Variants in HAUS3 observed in about 807,000 individuals in gnomAD.
The protein encoded by HAUS3 is HAUS augmin like complex subunit 3.
A neutral mutation model predicts 55.2 loss-of-function variants in HAUS3; 36 were observed. The ratio of observed to expected loss-of-function variants is 0.65; its 90% CI spans 0.50 to 0.86. The LOEUF is 0.86. HAUS3 is among the 40% of genes least tolerant of loss of function. The pLI, the probability that HAUS3 is intolerant of heterozygous loss-of-function variation, is 0.00. For synonymous variants in HAUS3, 234 were observed against 238.6 expected (o/e 0.98, Z 0.18); for missense variants, 752 against 671.5 (o/e 1.12, Z -1.33).
intron 5 of HAUS3, 42 bp from the exon 6 acceptor site, chr4:2,232,202 C>A (rs750565500): frequency 1.2e-6 from 1 of 842,804 alleles, no homozygotes; most frequent in South Asian, 2.0e-5. Flanking sequence ...ACACTTTATT[C>A]CTAATACCAA....
intron 5 of HAUS3, among the ~76,000 whole-genome samples, chr4:2,232,640 AT>A (rs1434496089): frequency 6.6e-6 from 1 of 152,014 alleles, no homozygotes; most frequent in South Asian, 2.1e-4. Flanking sequence ...TCCATTTTTC[AT>A]TTTTTCATAT....
At chr4:2,238,102 C>T (rs1734832539) in intron 4 of HAUS3, among the ~76,000 whole-genome samples, 1 of 152,102 alleles carries the variant, frequency 6.6e-6, no homozygotes, top group South Asian at 2.1e-4. Flanking sequence ...ACTACTTTAG[C>T]CCTCCAATTT....
rs1037000386 is a variant in HAUS3, at chr4:2,240,880, T to A, written c.67A>T (p.Asn23Tyr). The change falls in exon 3 of 6, where the codon AAT (asparagine) becomes TAT (tyrosine). Residue 23 changes from asparagine (N) to tyrosine (Y), a missense_variant. By Grantham distance (143) the Asn-to-Tyr change is moderately radical. Transcript: ENST00000443786. ...AACAACCAGTCAAAGTCTTCTCCAT[T>A]AAGATTATCAGCTTTGGGATAACCA... is the stretch of plus-strand genomic sequence containing the variant. Reference protein sequence around the residue: ...KIGYPKADNLNGEDFDWLFEG... With the variant: ...KIGYPKADNLYGEDFDWLFEG... The A allele has an allele frequency of 1.3e-5, 21 of 1,609,814 alleles. No individual in the cohort carries two copies. The highest frequency in any genetic ancestry group is 1.7e-5 in the Admixed American group (1 of 59,322).
chr4:2,241,130 T>C (rs1734971992), intron 2 of HAUS3, 37 bp from the exon 3 acceptor site: 2 of 520,344 alleles, frequency 3.8e-6, no homozygotes, highest in Admixed American at 3.9e-5. Flanking sequence ...ACCACAAATA[T>C]GACGACAGTG....
chr4:2,235,891 G>A (rs1734746343), intron 5 of HAUS3, among the ~76,000 whole-genome samples: 1 of 152,114 alleles, frequency 6.6e-6, no homozygotes, highest in Non-Finnish European at 1.5e-5. Flanking sequence ...AGTGTACACA[G>A]AGGATTTTAA....
At chr4:2,235,774 C>G (rs1055411992) in intron 5 of HAUS3, among the ~76,000 whole-genome samples, 1 of 151,734 alleles carries the variant, frequency 6.6e-6, no homozygotes, top group Non-Finnish European at 1.5e-5. Flanking sequence ...TATGTGTGTG[C>G]GTAATAAAAC....
At chr4:2,236,503 AT>A in intron 4 of HAUS3, 47 bp from the exon 5 acceptor site, 1 of 1,343,198 alleles carries the variant, frequency 7.4e-7, no homozygotes, top group Non-Finnish European at 1.1e-6. Context: ...TCAAGTCAGT[AT>A]CATTTTCAAA....
Position 2,229,021 on chromosome 4 carries a change from C to T in HAUS3, c.*2906G>A. The T allele has an allele frequency of 1.4e-6, 2 of 1,410,232 alleles. No homozygotes were observed. Among genetic ancestry groups the T allele is most frequent in the East Asian group, 4.7e-5 (2 of 42,612 alleles). 87.4% of individuals were successfully genotyped at this position (1,410,232 alleles called of 1,614,324 possible). On this transcript the variant is annotated 3_prime_UTR_variant, in exon 6 of 6. Coordinates refer to ENST00000443786, the MANE Select transcript of HAUS3 (RefSeq NM_001303143.2). ...TGGGCTTCATCTGTCTACATGCATT[C>T]CATTTTCAATTCTTAGTCTTTAGAA...
rs1218134063 is a variant in HAUS3, at chr4:2,229,071, G to C, written c.*2856C>G. 6.4e-7 allele frequency: 1 copy of C among 1,558,854 alleles called. No individual in the cohort carries two copies. The highest frequency in any genetic ancestry group is 8.8e-7 in the Non-Finnish European group (1 of 1,141,832). ...ACAATTAACATTCAAAGTATCAAGA[G>C]AAAGAAAGGTTCATAAAAATTACTT... On this transcript the variant is annotated 3_prime_UTR_variant, in exon 6 of 6. Coordinates refer to ENST00000443786, the MANE Select transcript of HAUS3 (RefSeq NM_001303143.2).
At chr4:2,241,913 C>G (rs1168944535) in intron 1 of HAUS3, 123 bp from the exon 2 acceptor site, 4 of 985,502 alleles carry the variant, frequency 4.1e-6, no homozygotes, top group Middle Eastern at 5.2e-4. Flanking sequence ...GCCCTGATCC[C>G]CGGGCAGCTG....
intron 5 of HAUS3, among the ~76,000 whole-genome samples, chr4:2,232,686 C>A (rs985283673): frequency 6.6e-6 from 1 of 152,148 alleles, no homozygotes; most frequent in Admixed American, 6.5e-5. Flanking sequence ...TGACATTCCA[C>A]GAAAACCATC....
In HAUS3 at chr4:2,242,099, C is replaced by A. The variant is rs1735014103; in HGVS notation, c.-467G>T. The stretch of plus-strand genomic sequence containing the variant: ...CGCAGGAGCCCGCCGCCACCGCCCT[C>A]CGTGCCCCGCGCGCCTCGCACTGCC... On this transcript the variant is annotated 5_prime_UTR_variant, in exon 1 of 6. Transcript: ENST00000443786. 1.0e-6 allele frequency: 1 copy of A among 985,804 alleles called. No individual in the cohort carries two copies. The highest frequency in any genetic ancestry group is 1.2e-6 in the Non-Finnish European group (1 of 830,292). The allele number at this position is 985,804 out of a possible 1,614,324, so 61.1% of individuals were successfully genotyped here.
Position 2,241,765 on chromosome 4 carries a change from T to TCA in HAUS3, c.-395_-394dup. 1 of 985,070 alleles carries TCA rather than the reference T, an allele frequency of 1.0e-6. No homozygotes were observed. Among genetic ancestry groups the TCA allele is most frequent in the Non-Finnish European group, 1.2e-6 (1 of 829,886 alleles). The allele number at this position is 985,070 out of a possible 1,614,324, so 61.0% of individuals were successfully genotyped here. ...AGCGGCAAAACCTTCCTTCGGAGGGTCACCCAGCTGTGACACCTAAGCACG... is the reference window on the plus strand; with the variant it reads ...AGCGGCAAAACCTTCCTTCGGAGGGTCACACCCAGCTGTGACACCTAAGCACG... On this transcript the variant is annotated 5_prime_UTR_variant, in exon 2 of 6. Coordinates refer to ENST00000443786, the MANE Select transcript of HAUS3 (RefSeq NM_001303143.2).
At chr4:2,237,434 T>C (rs1311658146) in intron 4 of HAUS3, among the ~76,000 whole-genome samples, 1 of 149,428 alleles carries the variant, frequency 6.7e-6, no homozygotes, top group East Asian at 2.0e-4. Context: ...AGACCTTGTC[T>C]TAAAAGGAAA....
rs1263479353 is a variant in HAUS3, at chr4:2,228,562, C to T, written c.*3365G>A. ...CCGTGTTAGCCAGGATGGTCTCGAT[C>T]TCCTGACCTCATGATCGCCGACCTC... is the stretch of plus-strand genomic sequence containing the variant. On this transcript the variant is annotated 3_prime_UTR_variant, in exon 6 of 6. Coordinates refer to ENST00000443786, the MANE Select transcript of HAUS3 (RefSeq NM_001303143.2). 1 of 171,836 alleles carries T rather than the reference C, an allele frequency of 5.8e-6. No individual in the cohort carries two copies. The highest frequency in any genetic ancestry group is 1.3e-5 in the Non-Finnish European group (1 of 79,012). The allele number at this position is 171,836 out of a possible 1,614,324, so 10.6% of individuals were successfully genotyped here.
intron 3 of HAUS3, among the ~76,000 whole-genome samples, chr4:2,239,346 A>T (rs896803316): frequency 6.6e-6 from 1 of 152,182 alleles, no homozygotes. Flanking sequence ...CACTGAATCC[A>T]AGTATATGTT....
Position 2,228,999 on chromosome 4 carries a change from G to A in HAUS3, c.*2928C>T. The A allele has an allele frequency of 8.3e-7, 1 of 1,201,910 alleles. No individual in the cohort carries two copies. Among genetic ancestry groups the A allele is most frequent in the South Asian group, 1.6e-5 (1 of 62,570 alleles). The allele number at this position is 1,201,910 out of a possible 1,614,324, so 74.5% of individuals were successfully genotyped here. ...TGAGTGTAAAAGGGGCGGGAGCTGGGCTTCATCTGTCTACATGCATTCCAT... is the reference window on the plus strand; with the variant it reads ...TGAGTGTAAAAGGGGCGGGAGCTGGACTTCATCTGTCTACATGCATTCCAT... On this transcript the variant is annotated 3_prime_UTR_variant, in exon 6 of 6. Coordinates refer to ENST00000443786, the MANE Select transcript of HAUS3 (RefSeq NM_001303143.2).
At chr4:2,239,135 A>G in intron 3 of HAUS3, 92 bp from the exon 4 acceptor site, 1 of 628,128 alleles carries the variant, frequency 1.6e-6, no homozygotes, top group Non-Finnish European at 2.6e-6. Flanking sequence ...AGGTGACCAG[A>G]TAATAAGCTC....
rs150632522 is a variant in HAUS3 at position 2,238,968 on chromosome 4, T to C, written c.985A>G (p.Thr329Ala). The change falls in exon 4 of 6, where the codon ACT becomes GCT. Residue 329 changes from threonine (T) to alanine (A), a missense_variant. By Grantham distance (58) the Thr-to-Ala change is moderately conservative. Coordinates refer to ENST00000443786, the MANE Select transcript of HAUS3 (RefSeq NM_001303143.2). ...SEIMKLEKEV[T>A]QIKDRSLPAV... ...GGTAAACTTCTGTCTTTTATTTGAG[T>C]GACCTCTTTTTCAAGTTTCATAATC... 32 of 1,587,234 alleles carry C rather than the reference T, an allele frequency of 2.0e-5. No individual in the cohort carries two copies. Among genetic ancestry groups the C allele is most frequent in the Admixed American group, 3.8e-5 (2 of 52,616 alleles).
Sources: allele counts gnomAD v4.1 joint callset (sites outside exome capture counted in the v4.1 genomes callset), GRCh38; gene constraint gnomAD v4.1.1; transcripts MANE v1.5; gene names NCBI Gene and HGNC (gene_info 2026-07-23, HGNC 2026-07-21).